COL8A1: variants seen among roughly 807,000 people sequenced by gnomAD.
The protein encoded by COL8A1 is collagen type VIII alpha 1 chain.
In COL8A1, 21 loss-of-function variants were observed where a neutral mutation model predicts 42.7. The ratio of observed to expected loss-of-function variants is 0.49; its 90% CI spans 0.35 to 0.71. The LOEUF (loss-of-function observed/expected upper bound fraction) is 0.71, where lower values mean the gene tolerates loss of function less well. Among genes scored for constraint, COL8A1 ranks in the 30% least tolerant of loss-of-function variants. The pLI is 0.01. For synonymous variants in COL8A1, 367 were observed against 369.1 expected, an observed-to-expected ratio of 0.99 and a Z score of 0.06; for missense variants, 788 against 962.4, an observed-to-expected ratio of 0.82 and a Z score of 2.40.
chr3:99,734,695 T>G (rs903212592), intron 1 of COL8A1, among the ~76,000 whole-genome samples: 3 of 151,956 alleles, frequency 2.0e-5, no homozygotes, highest in Non-Finnish European at 4.4e-5. Context: ...AGAAAGGCAT[T>G]GGTAGCTTGA....
intron 1 of COL8A1, among the ~76,000 whole-genome samples, chr3:99,743,614 C>G (rs752109002): frequency 6.6e-6 from 1 of 151,814 alleles, no homozygotes; most frequent in Admixed American, 6.6e-5. Flanking sequence ...TTAATTAACT[C>G]AAATTACTTA....
intron 2 of COL8A1, among the ~76,000 whole-genome samples, chr3:99,787,553 C>A (rs1243923726): frequency 1.3e-5 from 2 of 152,110 alleles, no homozygotes. Context: ...TAACTTAAAT[C>A]TGAATAGTCC....
intron 2 of COL8A1, among the ~76,000 whole-genome samples, chr3:99,756,556 G>A (rs139364572): frequency 4.6e-5 from 7 of 152,248 alleles, no homozygotes; most frequent in South Asian, 2.1e-4. Context: ...CAAGGAAAAC[G>A]TCCACAGTTC....
At chr3:99,762,537 G>C (rs1293873770) in intron 2 of COL8A1, among the ~76,000 whole-genome samples, 3 of 152,100 alleles carry the variant, frequency 2.0e-5, no homozygotes, top group Admixed American at 1.3e-4. Flanking sequence ...GAGTTCTTTT[G>C]TTCCCACCCT....
chr3:99,666,828 C>T (rs549301909), intron 1 of COL8A1, among the ~76,000 whole-genome samples: 4 of 152,268 alleles, frequency 2.6e-5, no homozygotes, highest in South Asian at 2.1e-4. Context: ...GGAAGAAATT[C>T]CCTTTGCTCT....
intron 1 of COL8A1, among the ~76,000 whole-genome samples, chr3:99,705,138 C>T (rs527791622): frequency 2.0e-5 from 3 of 152,162 alleles, no homozygotes; most frequent in Non-Finnish European, 2.9e-5. Context: ...TTCCAGCCCC[C>T]GCAAAACAAA....
chr3:99,649,762 C>T (rs2107287889), intron 1 of COL8A1, among the ~76,000 whole-genome samples: 1 of 151,976 alleles, frequency 6.6e-6, no homozygotes, highest in East Asian at 1.9e-4. Flanking sequence ...TATGTGCTCT[C>T]TCTTGCTCAC....
At chr3:99,697,610 T>G (rs1321921000) in intron 1 of COL8A1, among the ~76,000 whole-genome samples, 1 of 152,112 alleles carries the variant, frequency 6.6e-6, no homozygotes, top group East Asian at 1.9e-4. Flanking sequence ...TAGGAGTGAC[T>G]CTAGCTTGAA....
At position 99,793,865 on chromosome 3, in the gene COL8A1, C is replaced by G. The variant is rs184548100; in HGVS notation, c.329-365C>G. 7.4e-3 allele frequency among the ~76,000 whole-genome samples: 1,126 copies of G among 152,250 alleles called. 20 individuals are homozygous for G. Among genetic ancestry groups the G allele is most frequent in the African/African-American group, 0.025 (1,039 of 41,552 alleles). On this transcript the variant is annotated intron_variant, in intron 3 of 3. Coordinates refer to ENST00000652472, the MANE Select transcript of COL8A1 (RefSeq NM_020351.4). Reference sequence around the variant, plus strand: ...CTCCTGGGTTCAAGTGATTCTCCTGCCTCAGCCTCCCAAGTAGCTGGGACT... The same window carrying G: ...CTCCTGGGTTCAAGTGATTCTCCTGGCTCAGCCTCCCAAGTAGCTGGGACT...
At chr3:99,691,707 A>ATT (rs1559780203) in intron 1 of COL8A1, 3 of 145,972 alleles carry the variant, frequency 2.1e-5, no homozygotes, top group African/African-American at 7.5e-5. Context: ...TTTTTTAAAA[A>ATT]AAAAAAAAAA....
At position 99,794,007 on chromosome 3, in the gene COL8A1, C is replaced by A. The variant is rs1006653742; in HGVS notation, c.329-223C>A. 6.6e-6 allele frequency among the ~76,000 whole-genome samples: 1 copy of A among 152,182 alleles called. No individual in the cohort carries two copies. Among genetic ancestry groups the A allele is most frequent in the East Asian group, 1.9e-4 (1 of 5,186 alleles). On this transcript the variant is annotated intron_variant, in intron 3 of 3. Transcript: ENST00000652472. This position sits in a 1 kb window ranked among gnomAD's most constrained non-coding sequence, Gnocchi z 4.3. ...CTTCAGGTGATGCATCTGCCTGGGC[C>A]TCCCAAAGTTGTAGGATTACAGGCA...
intron 1 of COL8A1, among the ~76,000 whole-genome samples, chr3:99,712,469 C>A (rs190145180): frequency 5.1e-4 from 77 of 152,232 alleles, no homozygotes; most frequent in African/African-American, 1.7e-3. Flanking sequence ...CCCAGCCTGT[C>A]GGACATCCGG....
At chr3:99,753,479 G>T (rs1941192938) in intron 2 of COL8A1, among the ~76,000 whole-genome samples, 1 of 152,280 alleles carries the variant, frequency 6.6e-6, no homozygotes. Flanking sequence ...GAAACTGCCT[G>T]ACTTCTCAAT....
intron 1 of COL8A1, among the ~76,000 whole-genome samples, chr3:99,650,320 A>C (rs2107288706): frequency 6.6e-6 from 1 of 152,358 alleles, no homozygotes; most frequent in South Asian, 2.1e-4. Context: ...GTATTGAATA[A>C]GTCAGGACTG....
At chr3:99,677,480 G>A (rs13067276) in intron 1 of COL8A1, among the ~76,000 whole-genome samples, 14,496 of 152,046 alleles carry the variant, frequency 0.095, 858 homozygotes, top group Middle Eastern at 0.12. Flanking sequence ...TATTTACAGG[G>A]AGAGTGAAAA....
In COL8A1 at chr3:99,642,388, G is replaced by A. The variant is rs144992819; in HGVS notation, c.-129+3724G>A. On this transcript the variant is annotated intron_variant, in intron 1 of 3. Coordinates refer to ENST00000652472, the MANE Select transcript of COL8A1 (RefSeq NM_020351.4). ...TCAAATTCATGAAGCCATTGAAATT[G>A]CATCAGATCAAACTGAAGTGAATAA... Among the ~76,000 whole-genome samples, 1,173 of 152,272 alleles carry A rather than the reference G, an allele frequency of 7.7e-3. 17 individuals carry two copies. The highest frequency in any genetic ancestry group is 0.022 in the African/African-American group (933 of 41,552).
chr3:99,654,005 A>C (rs1157945942), intron 1 of COL8A1, among the ~76,000 whole-genome samples: 1 of 152,152 alleles, frequency 6.6e-6, no homozygotes, highest in Non-Finnish European at 1.5e-5. Flanking sequence ...CCTCAAAAGT[A>C]GGGAGGCGGA....
intron 2 of COL8A1, among the ~76,000 whole-genome samples, chr3:99,775,558 G>C (rs1048844240): frequency 6.6e-6 from 1 of 152,220 alleles, no homozygotes; most frequent in Non-Finnish European, 1.5e-5. Flanking sequence ...GTCTCTAAGT[G>C]GTGATGTGAT....
intron 1 of COL8A1, among the ~76,000 whole-genome samples, chr3:99,709,066 G>A (rs1939762218): frequency 1.6e-5 from 2 of 122,902 alleles, no homozygotes; most frequent in African/African-American, 3.3e-5. Context: ...CTACCCTTCT[G>A]GCCATCTTGG....
Sources: gnomAD v4.1 joint callset for allele counts (sites outside exome capture counted in the v4.1 genomes callset) on GRCh38, gnomAD v4.1.1 for gene constraint, Gnocchi (gnomAD v3.1) non-coding constraint, MANE v1.5 for transcripts, NCBI Gene and HGNC (gene_info 2026-07-23, HGNC 2026-07-21) for gene names.